The following KLHL5 variants were observed in gnomAD, a reference collection of about 807,000 sequenced individuals.
KLHL5 encodes kelch-like protein 5.
In KLHL5, 48 loss-of-function variants were observed where a neutral mutation model predicts 77.7. That is an observed-to-expected ratio of 0.62 (90% CI 0.49 to 0.79). The LOEUF (loss-of-function observed/expected upper bound fraction) is 0.79, where lower values mean the gene tolerates loss of function less well. Ranked by LOEUF, KLHL5 falls within the 30% of genes least tolerant of loss-of-function variation. The pLI, the probability that KLHL5 is intolerant of heterozygous loss-of-function variation, is 0.00. For synonymous variants in KLHL5, 260 were observed against 297.0 expected, an observed-to-expected ratio of 0.88 and a Z score of 1.28; for missense variants, 723 against 859.7, an observed-to-expected ratio of 0.84 and a Z score of 1.99.
intron 5 of KLHL5, among the ~76,000 whole-genome samples, chr4:39,088,768 T>C (rs1720270030): frequency 6.6e-6 from 1 of 152,188 alleles, no homozygotes; most frequent in Admixed American, 6.5e-5. Context: ...ACATTATGAA[T>C]TAGCCACCCA....
chr4:39,107,482 G>C (rs1191247249), intron 7 of KLHL5, 87 bp from the exon 8 acceptor site: 8 of 821,962 alleles, frequency 9.7e-6, no homozygotes, highest in African/African-American at 7.4e-5. Context: ...TATGTTTAAG[G>C]CTTATTGTAC....
chr4:39,116,438 A>G (rs1722847519), intron 10 of KLHL5: 1 of 152,248 alleles, frequency 6.6e-6, no homozygotes, highest in Admixed American at 6.5e-5. Flanking sequence ...GCACCACACA[A>G]GGCAGTGGGT....
At chr4:39,134,954 A>G in the KLHL5 span, among the ~76,000 whole-genome samples, 7 of 152,212 alleles carry the variant, frequency 4.6e-5, no homozygotes, top group African/African-American at 1.4e-4. Context: ...AGGACTATGA[A>G]TAGCCACCTA....
At chr4:39,106,802 G>C (rs755770883) in intron 7 of KLHL5, among the ~76,000 whole-genome samples, 1 of 151,788 alleles carries the variant, frequency 6.6e-6, no homozygotes, top group Non-Finnish European at 1.5e-5. Context: ...TCTGTCATCC[G>C]GGCTGGAGGT....
chr4:39,095,492 G>A (rs1449938924), intron 5 of KLHL5, among the ~76,000 whole-genome samples: 3 of 151,958 alleles, frequency 2.0e-5, no homozygotes, highest in Non-Finnish European at 2.9e-5. Context: ...GACCCACCTG[G>A]AGTCAATTCA....
At chr4:39,073,031 A>G (rs1306478109) in intron 1 of KLHL5, among the ~76,000 whole-genome samples, 1 of 152,214 alleles carries the variant, frequency 6.6e-6, no homozygotes, top group African/African-American at 2.4e-5. Flanking sequence ...CTACATATAC[A>G]TGTATCAAAA....
chr4:39,050,706 C>T (rs1577621959), intron 1 of KLHL5, among the ~76,000 whole-genome samples: 1 of 152,274 alleles, frequency 6.6e-6, no homozygotes, highest in South Asian at 2.1e-4. Context: ...TAATTGACAA[C>T]TTTATAGTAG....
chr4:39,107,699 G>C lies in KLHL5; in HGVS notation c.1656G>C (p.Arg552Ser). Reference sequence around the variant, plus strand: ...TTGTTGCCACTATGTCTACCCCTAGGAGTACAGTAGGTGTGGCAGTACTAA... The same window carrying C: ...TTGTTGCCACTATGTCTACCCCTAGCAGTACAGTAGGTGTGGCAGTACTAA... ...WNFVATMSTP[R>S]STVGVAVLSG... Residue 552 changes from arginine to serine, a missense_variant, in exon 8 of 11, where the codon AGG becomes AGC. Physicochemically the swap from Arg to Ser is moderately radical, Grantham distance 110. This residue lies in a region of KLHL5 where 214 missense variants were observed against 237.4 expected (regional missense o/e 0.90). Coordinates refer to ENST00000504108, the MANE Select transcript of KLHL5 (RefSeq NM_015990.5). 6.2e-7 allele frequency: 1 copy of C among 1,611,492 alleles called. No individual in the cohort carries two copies. The highest frequency in any genetic ancestry group is 1.3e-5 in the African/African-American group (1 of 74,966).
intron 4 of KLHL5, among the ~76,000 whole-genome samples, chr4:39,085,151 T>G (rs1349072118): frequency 6.6e-6 from 1 of 152,168 alleles, no homozygotes; most frequent in Non-Finnish European, 1.5e-5. Context: ...TTGAAGCCAT[T>G]CTAGCACTGA....
intron 1 of KLHL5, among the ~76,000 whole-genome samples, chr4:39,065,816 G>A (rs894479714): frequency 2.0e-5 from 3 of 151,984 alleles, no homozygotes; most frequent in Non-Finnish European, 4.4e-5. Flanking sequence ...CTAATTACTC[G>A]TTTTAACCGT....
upstream of KLHL5, among the ~76,000 whole-genome samples, chr4:39,058,380 C>CT (rs780844499): frequency 5.5e-4 from 83 of 152,180 alleles, no homozygotes; most frequent in Middle Eastern, 3.4e-3. Flanking sequence ...AATCCTTGGA[C>CT]TTTAGGGGGC....
chr4:39,052,063 A>G (rs1336421757), intron 1 of KLHL5, among the ~76,000 whole-genome samples: 3 of 152,080 alleles, frequency 2.0e-5, no homozygotes, highest in African/African-American at 7.2e-5. Context: ...GAAGTATTCC[A>G]TAATATTTCT....
downstream of KLHL5, among the ~76,000 whole-genome samples, chr4:39,127,582 T>A (rs935472970): frequency 5.9e-5 from 9 of 152,106 alleles, no homozygotes; most frequent in African/African-American, 2.2e-4. Context: ...AGCCTCTCAG[T>A]AGCTGGGACT....
In KLHL5 at chr4:39,081,484, G is replaced by C. The variant is rs1719611801; in HGVS notation, c.703+245G>C. Among the ~76,000 whole-genome samples the C allele has an allele frequency of 6.6e-6, 1 of 152,002 alleles. No homozygotes were observed. Among genetic ancestry groups the C allele is most frequent in the Non-Finnish European group, 1.5e-5 (1 of 68,010 alleles). ...ATATAAAAATTAAATGAATTACATA[G>C]TGTCAAATTTTTGCATTTAAAATTT... On this transcript the variant is annotated intron_variant, in intron 3 of 10. Transcript: ENST00000504108. The surrounding 1 kb of genome is among the most constrained non-coding windows in gnomAD (Gnocchi z 4.3).
At chr4:39,092,019 A>T (rs1035002827) in intron 5 of KLHL5, among the ~76,000 whole-genome samples, 10 of 152,024 alleles carry the variant, frequency 6.6e-5, no homozygotes, top group Admixed American at 1.3e-4. Flanking sequence ...TAGAGTTAAT[A>T]AATTATTCAC....
In KLHL5 at chr4:39,062,735, C is replaced by T. The variant is rs1229233847; in HGVS notation, c.83C>T (p.Pro28Leu). The change falls in exon 1 of 11, where the codon CCT (proline) becomes CTT (leucine). Residue 28 changes from proline (P) to leucine (L), a missense_variant. Physicochemically the swap from Pro to Leu is moderately conservative, Grantham distance 98 (BLOSUM62 -3). Transcript: ENST00000504108. ...TGGTTTGGTCATCAAGCATCATCTC[C>T]TAATTCTACAGTTGACAGCCAGCAG... ...WRWFGHQASS[P>L]NSTVDSQQGE... The T allele has an allele frequency of 2.5e-6, 4 of 1,614,136 alleles. No individual in the cohort carries two copies. Among genetic ancestry groups the T allele is most frequent in the African/African-American group, 2.7e-5 (2 of 75,044 alleles).
At chr4:39,051,265 A>G (rs1002817976) in intron 1 of KLHL5, among the ~76,000 whole-genome samples, 3 of 152,064 alleles carry the variant, frequency 2.0e-5, no homozygotes, top group Non-Finnish European at 4.4e-5. Flanking sequence ...CTACGCGATA[A>G]TCTCCTTTCT....
the KLHL5 span, among the ~76,000 whole-genome samples, chr4:39,139,044 G>A: frequency 6.6e-6 from 1 of 152,154 alleles, no homozygotes; most frequent in Non-Finnish European, 1.5e-5. Context: ...CACTTTGGGA[G>A]GCCAAGGCAG....
rs1336403663 is a variant in KLHL5, at chr4:39,123,847, A to G, written c.*2781A>G. On this transcript the variant is annotated 3_prime_UTR_variant, in exon 11 of 11. Transcript: ENST00000504108. ...ACATTATACTAGAAGGTCTAGCCAGAGCAATTAGGCAAGAAAAAGAAATAA... is the reference window on the plus strand; with the variant it reads ...ACATTATACTAGAAGGTCTAGCCAGGGCAATTAGGCAAGAAAAAGAAATAA... Among the ~76,000 whole-genome samples the G allele has an allele frequency of 6.6e-6, 1 of 152,202 alleles. No individual in the cohort carries two copies. The highest frequency in any genetic ancestry group is 1.5e-5 in the Non-Finnish European group (1 of 68,024).
Sources: gnomAD v4.1 joint callset for allele counts (sites outside exome capture counted in the v4.1 genomes callset) on GRCh38, gnomAD v4.1.1 for gene constraint, gnomAD v4.1.1 regional missense constraint, Gnocchi (gnomAD v3.1) non-coding constraint, MANE v1.5 for transcripts, NCBI Gene and HGNC (gene_info 2026-07-23, HGNC 2026-07-21) for gene names.